The following ZNF10 variants were observed in gnomAD, a reference collection of about 807,000 sequenced individuals.
The protein encoded by ZNF10 is zinc finger protein 10, also known as zinc finger protein 10 (KOX 1).
ZNF10 carries 8 observed loss-of-function variants against 12.2 expected under a neutral mutation model. That is an observed-to-expected ratio of 0.66 (90% CI 0.39 to 1.18). The LOEUF is 1.18. ZNF10 is among the 50% of genes most tolerant of loss of function. The pLI is 0.01. For missense variants in ZNF10, 603 were observed against 678.9 expected, an observed-to-expected ratio of 0.89 and a Z score of 1.24; for synonymous variants, 229 against 228.2, an observed-to-expected ratio of 1.00 and a Z score of -0.03.
At chr12:133,134,973 G>A (rs1030253698) in intron 1 of ZNF10, among the ~76,000 whole-genome samples, 8 of 152,138 alleles carry the variant, frequency 5.3e-5, no homozygotes, top group Non-Finnish European at 7.3e-5. Context: ...AAGTTTTGCA[G>A]ATTTCCCCAG....
intron 4 of ZNF10, 78 bp downstream of exon 4, chr12:133,151,982 C>T: frequency 1.8e-6 from 2 of 1,112,324 alleles, no homozygotes; most frequent in South Asian, 2.7e-5. Context: ...AGATAGTGGT[C>T]ACTGGCCCTC....
At chr12:133,132,916 T>G (rs1192754836) in intron 1 of ZNF10, among the ~76,000 whole-genome samples, 1 of 152,222 alleles carries the variant, frequency 6.6e-6, no homozygotes, top group Admixed American at 6.5e-5. Context: ...CTGTACCTAA[T>G]TTTAACACAT....
intron 2 of ZNF10, chr12:133,145,054 T>G (rs1955967656): frequency 3.3e-6 from 1 of 300,166 alleles, no homozygotes; most frequent in Non-Finnish European, 6.6e-6. Flanking sequence ...GGCTAAATTT[T>G]TGTATTTTTA....
At chr12:133,154,674 A>G (rs932427702) in intron 4 of ZNF10, among the ~76,000 whole-genome samples, 1 of 152,206 alleles carries the variant, frequency 6.6e-6, no homozygotes, top group Non-Finnish European at 1.5e-5. Flanking sequence ...CTTGTCATGT[A>G]GCTGCTCTGA....
At chr12:133,135,895 A>G (rs1468640831) in intron 1 of ZNF10, among the ~76,000 whole-genome samples, 1 of 152,266 alleles carries the variant, frequency 6.6e-6, no homozygotes, top group Non-Finnish European at 1.5e-5. Context: ...TAGGCAGACA[A>G]GTATGACAGA....
intron 4 of ZNF10, among the ~76,000 whole-genome samples, chr12:133,154,660 C>A (rs1956028344): frequency 6.6e-6 from 1 of 152,218 alleles, no homozygotes; most frequent in Non-Finnish European, 1.5e-5. Context: ...AGTTACTCTT[C>A]CACCTTGTCA....
At chr12:133,143,393 T>G (rs1016962274) in intron 1 of ZNF10, 1 of 152,042 alleles carries the variant, frequency 6.6e-6, no homozygotes, top group Admixed American at 6.6e-5. Context: ...CAAAACCCAC[T>G]GAATACACAG....
In ZNF10 at chr12:133,156,632, G is replaced by A. The variant is rs1956043871; in HGVS notation, c.1386G>A (p.Glu462=). 1.1e-5 allele frequency: 18 copies of A among 1,613,850 alleles called. No individual in the cohort carries two copies. Among genetic ancestry groups the A allele is most frequent in the East Asian group, 2.2e-5 (1 of 44,874 alleles). Residue 462 remains glutamate (E), a synonymous_variant, in exon 5 of 5, where the codon GAG becomes GAA. Coordinates refer to ENST00000248211, the MANE Select transcript of ZNF10 (RefSeq NM_015394.5). ...QRTHTGEKPY[E]CHDCGKSFSQ... ...CCCACACTGGAGAGAAACCATATGA[G>A]TGTCATGATTGTGGAAAATCTTTCA...
intron 1 of ZNF10, 123 bp downstream of exon 1, chr12:133,130,877 A>C (rs1377809497): frequency 6.6e-6 from 1 of 152,140 alleles, no homozygotes; most frequent in East Asian, 1.9e-4. Flanking sequence ...TCAATGAAAA[A>C]ATTTAACGGT....
intron 2 of ZNF10, among the ~76,000 whole-genome samples, chr12:133,149,764 T>G (rs188302456): frequency 3.9e-5 from 6 of 152,290 alleles, no homozygotes; most frequent in South Asian, 4.1e-4. Context: ...AAGTGTGTTA[T>G]TTTATTATAT....
intron 2 of ZNF10, among the ~76,000 whole-genome samples, chr12:133,145,416 C>T (rs1210921937): frequency 6.6e-6 from 1 of 152,136 alleles, no homozygotes; most frequent in Non-Finnish European, 1.5e-5. Flanking sequence ...CGGTATTGTA[C>T]TGTTGTGTTA....
In ZNF10 at chr12:133,156,846, G is replaced by A. The variant is rs746855575; in HGVS notation, c.1600G>A (p.Val534Ile). ...IIFSQNSPFI[V>I]HQIAHTGEQF... is the part of the protein sequence containing the mutation. ...CTTCAGCCAGAACTCTCCATTTATA[G>A]TTCATCAAATAGCTCACACTGGAGA... The change falls in exon 5 of 5, where the codon GTT (valine) becomes ATT (isoleucine). Residue 534 changes from valine (V) to isoleucine (I), a missense_variant. Transcript: ENST00000248211. The A allele has an allele frequency of 9.8e-6, 15 of 1,531,360 alleles. No homozygotes were observed. Among genetic ancestry groups the A allele is most frequent in the Non-Finnish European group, 1.3e-5 (15 of 1,143,196 alleles). 94.9% of individuals were successfully genotyped at this position (1,531,360 alleles called of 1,614,324 possible). A position where few individuals can be genotyped will look rare whatever the true frequency, so the allele number is the denominator to read the frequency against.
At chr12:133,132,506 G>A (rs970582575) in intron 1 of ZNF10, among the ~76,000 whole-genome samples, 8 of 151,952 alleles carry the variant, frequency 5.3e-5, no homozygotes, top group Admixed American at 3.9e-4. Context: ...CAACAAGAGC[G>A]AAACTCCGTC....
At chr12:133,147,858 A>G (rs1955985406) in intron 2 of ZNF10, among the ~76,000 whole-genome samples, 1 of 150,186 alleles carries the variant, frequency 6.7e-6, no homozygotes, top group Admixed American at 6.6e-5. Context: ...GAACTGCTGA[A>G]CTCAGGCAAT....
rs764109136 is a variant in ZNF10, at chr12:133,156,265, A to G, written c.1019A>G (p.Gln340Arg). Reference protein sequence around the residue: ...FSWFSHLVTHQRTHTGDKLYT... With the variant: ...FSWFSHLVTHRRTHTGDKLYT... The stretch of plus-strand genomic sequence containing the variant: ...TGGTTCTCTCACCTTGTTACTCATC[A>G]GAGAACTCATACAGGAGACAAACTG... Residue 340 changes from glutamine to arginine, a missense_variant, in exon 5 of 5, where the codon CAG becomes CGG. Transcript: ENST00000248211. 5.6e-6 allele frequency: 9 copies of G among 1,614,074 alleles called. No homozygotes were observed. The highest frequency in any genetic ancestry group is 6.8e-6 in the Non-Finnish European group (8 of 1,180,036).
Position 133,156,608 on chromosome 12 carries a change from C to A in ZNF10, c.1362C>A (p.Thr454=), listed in dbSNP as rs202119394. 3.0e-5 allele frequency: 48 copies of A among 1,613,542 alleles called. No individual in the cohort carries two copies. Among genetic ancestry groups the A allele is most frequent in the Non-Finnish European group, 7.6e-6 (9 of 1,179,922 alleles). Residue 454 remains threonine (T), a synonymous_variant, in exon 5 of 5, where the codon ACC becomes ACA. Transcript: ENST00000248211. The part of the protein sequence containing the change: ...RSSHLYSHQR[T]HTGEKPYECH... ...CTCACCTTTATTCACATCAAAGAAC[C>A]CACACTGGAGAGAAACCATATGAGT...
At chr12:133,142,266 A>C (rs1242263364) in intron 1 of ZNF10, among the ~76,000 whole-genome samples, 1 of 152,060 alleles carries the variant, frequency 6.6e-6, no homozygotes, top group Non-Finnish European at 1.5e-5. Context: ...CTACTAAAAA[A>C]TACAAAAAAT....
At chr12:133,144,221 A>C in intron 1 of ZNF10, 2 of 308,028 alleles carry the variant, frequency 6.5e-6, no homozygotes, top group East Asian at 1.2e-4. Context: ...AACTCCAGAG[A>C]TTAAGGGGGT....
At chr12:133,154,344 G>C (rs1043457024) in intron 4 of ZNF10, among the ~76,000 whole-genome samples, 3 of 152,180 alleles carry the variant, frequency 2.0e-5, no homozygotes, top group Admixed American at 1.3e-4. Flanking sequence ...TCAGGCTTCA[G>C]ATTCTAAGTT....
Sources: gnomAD v4.1 joint callset for allele counts (sites outside exome capture counted in the v4.1 genomes callset) on GRCh38, gnomAD v4.1.1 for gene constraint, MANE v1.5 for transcripts, NCBI Gene and HGNC (gene_info 2026-07-23, HGNC 2026-07-21) for gene names.